Variants in SRBD1 observed in about 807,000 individuals in gnomAD.
SRBD1 encodes the protein S1 RNA binding domain 1, also known as S1 RNA-binding domain-containing protein 1.
Under a neutral mutation model 115.3 loss-of-function variants are expected in SRBD1, and 88 were observed. The ratio of observed to expected loss-of-function variants is 0.76; its 90% CI spans 0.64 to 0.91. The LOEUF (loss-of-function observed/expected upper bound fraction) is 0.91. Ranked by LOEUF, SRBD1 falls within the 40% of genes least tolerant of loss-of-function variation. The pLI, the probability that SRBD1 is intolerant of heterozygous loss-of-function variation, is 0.00. For missense variants in SRBD1, 1,385 were observed against 1,177.4 expected (o/e 1.18, Z -2.58); for synonymous variants, 509 against 407.7 (o/e 1.25, Z -2.99).
chr2:45,431,650 A>T (rs563565988), intron 16 of SRBD1, among the ~76,000 whole-genome samples: 1 of 152,300 alleles, frequency 6.6e-6, no homozygotes, highest in East Asian at 1.9e-4. Flanking sequence ...TAGGGGAGGG[A>T]TAGCATTAGG....
At chr2:45,393,985 C>T (rs1667076247) in intron 19 of SRBD1, among the ~76,000 whole-genome samples, 2 of 152,092 alleles carry the variant, frequency 1.3e-5, no homozygotes, top group Admixed American at 1.3e-4. Flanking sequence ...AGTTGAGCCT[C>T]ATATAAACTA....
chr2:45,460,840 G>C (rs6544820), intron 16 of SRBD1, among the ~76,000 whole-genome samples: 12,796 of 152,168 alleles, frequency 0.084, 776 homozygotes, highest in African/African-American at 0.16. Flanking sequence ...CCATTAAAAC[G>C]AAGTTATGCC....
chr2:45,578,507 C>T (rs1196417162), intron 7 of SRBD1, among the ~76,000 whole-genome samples: 1 of 152,192 alleles, frequency 6.6e-6, no homozygotes, highest in Non-Finnish European at 1.5e-5. Context: ...ATTTTACAGA[C>T]ACACCCACTC....
chr2:45,547,285 T>A (rs924291110), intron 13 of SRBD1, among the ~76,000 whole-genome samples: 13 of 152,216 alleles, frequency 8.5e-5, no homozygotes, highest in African/African-American at 3.1e-4. Context: ...AAGAATGAAC[T>A]GCTCACATCT....
chr2:45,409,543 G>GA (rs1558559101), intron 19 of SRBD1, among the ~76,000 whole-genome samples: 1 of 143,718 alleles, frequency 7.0e-6, no homozygotes, highest in African/African-American at 2.6e-5. Flanking sequence ...ATAAAGAAAA[G>GA]AAAAAAAAGA....
At chr2:45,482,532 T>C (rs1043695995) in intron 15 of SRBD1, among the ~76,000 whole-genome samples, 32 of 151,894 alleles carry the variant, frequency 2.1e-4, no homozygotes, top group African/African-American at 7.7e-4. Context: ...ACAGAGATTT[T>C]ACGTACAGTA....
intron 14 of SRBD1, among the ~76,000 whole-genome samples, chr2:45,512,206 T>C (rs1484181444): frequency 6.6e-6 from 1 of 152,210 alleles, no homozygotes; most frequent in East Asian, 1.9e-4. Context: ...ACCTGAAGGC[T>C]GCTTAAAGAA....
chr2:45,546,860 G>T (rs755800111), intron 13 of SRBD1, 21 bp from the exon 14 acceptor site: 1 of 1,607,468 alleles, frequency 6.2e-7, no homozygotes, highest in South Asian at 1.1e-5. Flanking sequence ...GAAACAGAAT[G>T]ACAAACTGAA....
chr2:45,552,992 A>G lies in SRBD1; in HGVS notation c.1517+631T>C, dbSNP rs183693913. Among the ~76,000 whole-genome samples, 6 of 152,316 alleles carry G rather than the reference A, an allele frequency of 3.9e-5. No individual in the cohort carries two copies. In the East Asian group the frequency reaches 9.6e-4, roughly 24 times the overall value. ...AAAGAAATGAGAATGAAGATAATCT[A>G]TAATATTTTGGAAGGAATGAATTAG... On this transcript the variant is annotated intron_variant, in intron 11 of 20. Coordinates refer to ENST00000263736, the MANE Select transcript of SRBD1 (RefSeq NM_018079.5).
rs1469914859 is a variant in SRBD1 at position 45,605,425 on chromosome 2, C to T, written c.17G>A (p.Arg6Lys). 3.1e-6 allele frequency: 5 copies of T among 1,613,662 alleles called. No individual in the cohort carries two copies. Among genetic ancestry groups the T allele is most frequent in the Non-Finnish European group, 4.2e-6 (5 of 1,179,946 alleles). ...ATCCTGGACCTGTACTTTCGCTCTT[C>T]TTGGCAATGATGACATCTAGAAGAA... MSSLP[R>K]RAKVQVQDVV... Residue 6 changes from arginine (R) to lysine (K), a missense_variant, in exon 2 of 21, where the codon AGA (arginine) becomes AAA (lysine). Coordinates refer to ENST00000263736, the MANE Select transcript of SRBD1 (RefSeq NM_018079.5).
intron 14 of SRBD1, among the ~76,000 whole-genome samples, chr2:45,494,794 A>G (rs1374744813): frequency 2.0e-5 from 3 of 152,218 alleles, no homozygotes; most frequent in Admixed American, 1.3e-4. Flanking sequence ...AAATATGGTG[A>G]GGCAGAAAAA....
At chr2:45,587,068 A>C (rs1673561311) in intron 4 of SRBD1, among the ~76,000 whole-genome samples, 1 of 137,816 alleles carries the variant, frequency 7.3e-6, no homozygotes, top group African/African-American at 2.9e-5. Context: ...TTAAATTATA[A>C]ATATTAAAAT....
At chr2:45,522,863 T>C (rs1344647429) in intron 14 of SRBD1, among the ~76,000 whole-genome samples, 1 of 152,204 alleles carries the variant, frequency 6.6e-6, no homozygotes, top group African/African-American at 2.4e-5. Context: ...AATCAACTGT[T>C]TATGTTATCA....
rs1350912590 is a variant in SRBD1, at chr2:45,398,844, T to G, written c.2514-5715A>C. Among the ~76,000 whole-genome samples, 4 of 152,280 alleles carry G rather than the reference T, an allele frequency of 2.6e-5. No homozygotes were observed. In the East Asian group the frequency reaches 5.8e-4, roughly 22 times the overall value. On this transcript the variant is annotated intron_variant, in intron 19 of 20. Coordinates refer to ENST00000263736, the MANE Select transcript of SRBD1 (RefSeq NM_018079.5). ...CTTTCCCTATTTCAGAACCACTCGC[T>G]TTATACTGTGTAATTATCATATAAT...
intron 19 of SRBD1, among the ~76,000 whole-genome samples, chr2:45,405,009 C>G (rs1212721206): frequency 6.6e-6 from 1 of 152,128 alleles, no homozygotes; most frequent in Non-Finnish European, 1.5e-5. Flanking sequence ...GTCACCAAGT[C>G]AATGAGGCCT....
At position 45,579,960 on chromosome 2, in the gene SRBD1, C is replaced by A. The variant is rs745779580; in HGVS notation, c.987G>T (p.Gln329His). The A allele has an allele frequency of 2.5e-6, 4 of 1,607,170 alleles. No individual in the cohort carries two copies. Among genetic ancestry groups the A allele is most frequent in the East Asian group, 2.2e-5 (1 of 44,632 alleles). Residue 329 changes from glutamine (Q) to histidine (H), a missense_variant, in exon 7 of 21, where the codon CAG becomes CAT. Coordinates refer to ENST00000263736, the MANE Select transcript of SRBD1 (RefSeq NM_018079.5). Reference sequence around the variant, plus strand: ...CCCTGGCTGCTCCTTCTAAGCCCAACTGTCTTGCTCTCTGGGCTTTAGTCC... The same window carrying A: ...CCCTGGCTGCTCCTTCTAAGCCCAAATGTCTTGCTCTCTGGGCTTTAGTCC... ...SKGTKAQRARQLGLEGAARAL... is the reference protein window; with the variant it reads ...SKGTKAQRARHLGLEGAARAL...
intron 10 of SRBD1, among the ~76,000 whole-genome samples, chr2:45,561,599 T>C (rs905774131): frequency 1.3e-5 from 2 of 152,222 alleles, no homozygotes; most frequent in African/African-American, 4.8e-5. Flanking sequence ...TTACATCTCC[T>C]AGCTGCTAGG....
At chr2:45,481,151 T>C (rs1311842890) in intron 15 of SRBD1, among the ~76,000 whole-genome samples, 1 of 152,198 alleles carries the variant, frequency 6.6e-6, no homozygotes, top group Non-Finnish European at 1.5e-5. Context: ...TTTTGAGATA[T>C]AATGCCATTA....
intron 16 of SRBD1, among the ~76,000 whole-genome samples, chr2:45,465,637 GT>G (rs903410782): frequency 2.2e-4 from 33 of 152,228 alleles, no homozygotes; most frequent in Admixed American, 1.8e-3. Flanking sequence ...CTTCAAAGGA[GT>G]TTCATTTTAA....
Sources: allele counts gnomAD v4.1 joint callset (sites outside exome capture counted in the v4.1 genomes callset), GRCh38; gene constraint gnomAD v4.1.1; transcripts MANE v1.5; gene names NCBI Gene and HGNC (gene_info 2026-07-23, HGNC 2026-07-21).